Variants in PPFIBP2 observed in about 807,000 individuals in gnomAD.
PPFIBP2 encodes the protein PPFIB scaffold protein 2, also known as liprin-beta-2.
In PPFIBP2, 118 loss-of-function variants were observed where a neutral mutation model predicts 118.3. That is an observed-to-expected ratio of 1.00 (90% CI 0.86 to 1.16). PPFIBP2 has a LOEUF of 1.16. PPFIBP2 is among the 50% of genes most tolerant of loss of function. PPFIBP2 has a pLI of 0.00. For missense variants in PPFIBP2, 1,195 were observed against 1,073.1 expected (o/e 1.11, Z -1.59); for synonymous variants, 414 against 397.4 (o/e 1.04, Z -0.50).
chr11:7,544,802 A>G (rs1402342269), intron 1 of PPFIBP2, among the ~76,000 whole-genome samples: 2 of 143,202 alleles, frequency 1.4e-5, no homozygotes, highest in Non-Finnish European at 3.0e-5. Flanking sequence ...AAAAAAATCT[A>G]CTTCCCACCA....
chr11:7,519,341 G>A (rs151262394), intron 1 of PPFIBP2, among the ~76,000 whole-genome samples: 6,548 of 152,228 alleles, frequency 0.043, 281 homozygotes, highest in Admixed American at 0.12. Context: ...ATTTGAACAG[G>A]TGAGCAAGAA....
intron 5 of PPFIBP2, among the ~76,000 whole-genome samples, chr11:7,609,269 C>A (rs560245363): frequency 6.6e-6 from 1 of 152,298 alleles, no homozygotes; most frequent in East Asian, 1.9e-4. Flanking sequence ...CAAGATGATA[C>A]AAAATGTTCA....
intron 5 of PPFIBP2, among the ~76,000 whole-genome samples, chr11:7,599,031 A>G (rs964655986): frequency 6.6e-6 from 1 of 151,488 alleles, no homozygotes; most frequent in Non-Finnish European, 1.5e-5. Flanking sequence ...TTGATTTTCT[A>G]CTTAGGTTGT....
chr11:7,664,330 C>T, the PPFIBP2 span, among the ~76,000 whole-genome samples: 2 of 152,148 alleles, frequency 1.3e-5, no homozygotes, highest in Non-Finnish European at 2.9e-5. Context: ...CCCAGTACAA[C>T]CTAGGGATTG....
At chr11:7,597,732 C>G in intron 5 of PPFIBP2, 59 bp downstream of exon 5, 2 of 1,340,724 alleles carry the variant, frequency 1.5e-6, no homozygotes, top group Non-Finnish European at 2.1e-6. Context: ...GCTGAAGCCC[C>G]TTTGTGTGCC....
At position 7,651,752 on chromosome 11, in the gene PPFIBP2, A is replaced by G; in HGVS notation, c.2344A>G (p.Asn782Asp). 1 of 1,614,156 alleles carries G rather than the reference A, an allele frequency of 6.2e-7. No homozygotes were observed. Among genetic ancestry groups the G allele is most frequent in the Non-Finnish European group, 8.5e-7 (1 of 1,179,980 alleles). The stretch of plus-strand genomic sequence containing the variant: ...CAGGCGCCACCTGACCACCAAGTTC[A>G]ATGCCTTGATTGGTCCGGAGGCTGA... ...LLRRHLTTKF[N>D]ALIGPEAEQE... The change falls in exon 23 of 24, where the codon AAT becomes GAT. Residue 782 changes from asparagine to aspartate, a missense_variant. By Grantham distance (23) the Asn-to-Asp change is conservative (BLOSUM62 1). Transcript: ENST00000299492.
At chr11:7,632,619 C>T (rs1850912948) in intron 11 of PPFIBP2, 2 of 417,730 alleles carry the variant, frequency 4.8e-6, no homozygotes, top group Admixed American at 3.5e-5. Context: ...GACTGTACTA[C>T]TGGGATATGA....
intron 3 of PPFIBP2, among the ~76,000 whole-genome samples, chr11:7,572,326 G>GCCTTC (rs1312445373): frequency 6.6e-6 from 1 of 152,142 alleles, no homozygotes; most frequent in Non-Finnish European, 1.5e-5. Context: ...CCAAGACTGG[G>GCCTTC]GGCCTTCAGC....
At chr11:7,547,803 G>A (rs1352939798) in intron 1 of PPFIBP2, among the ~76,000 whole-genome samples, 3 of 152,136 alleles carry the variant, frequency 2.0e-5, no homozygotes, top group African/African-American at 4.8e-5. Context: ...GAGGCTGAAT[G>A]CCTGCTTCTG....
At chr11:7,564,868 A>G (rs1191768005) in intron 2 of PPFIBP2, among the ~76,000 whole-genome samples, 3 of 152,228 alleles carry the variant, frequency 2.0e-5, no homozygotes, top group Non-Finnish European at 2.9e-5. Context: ...CAGAGCTGGT[A>G]CAGAGTCACT....
At position 7,554,367 on chromosome 11, in the gene PPFIBP2, G is replaced by A. The variant is rs557477173; in HGVS notation, c.64+4828G>A. Among the ~76,000 whole-genome samples the A allele has an allele frequency of 2.0e-5, 3 of 152,196 alleles. No individual in the cohort carries two copies. In the East Asian group the frequency reaches 5.8e-4, roughly 29 times the overall value. ...TAGTAATCATATACTATGTAACAAG[G>A]AATTGCCTCTTACTAATTACAGTAG... On this transcript the variant is annotated intron_variant, in intron 2 of 23. Coordinates refer to ENST00000299492, the MANE Select transcript of PPFIBP2 (RefSeq NM_003621.5).
rs2136047448 is a variant in PPFIBP2, at chr11:7,653,161, C to T, written c.2574C>T (p.Leu858=). 1 of 1,614,216 alleles carries T rather than the reference C, an allele frequency of 6.2e-7. No individual in the cohort carries two copies. Among genetic ancestry groups the T allele is most frequent in the South Asian group, 1.1e-5 (1 of 91,090 alleles). Residue 858 remains leucine, a synonymous_variant, in exon 24 of 24, where the codon CTC becomes CTT. Coordinates refer to ENST00000299492, the MANE Select transcript of PPFIBP2 (RefSeq NM_003621.5). ...GGGTCTACAGTGGCTACCGGGGCCT[C>T]AGCCCCCTTGATGCCCCTGAACTGG... ...SHRVYSGYRG[L]SPLDAPELDG...
chr11:7,661,979 T>A (rs1011934471), downstream of PPFIBP2, among the ~76,000 whole-genome samples: 4 of 135,876 alleles, frequency 2.9e-5, no homozygotes, highest in Non-Finnish European at 4.8e-5. Flanking sequence ...CCCCTGCCTT[T>A]TTTTGTTTTC....
intron 3 of PPFIBP2, among the ~76,000 whole-genome samples, chr11:7,582,536 G>T (rs1809730751): frequency 6.6e-6 from 1 of 152,140 alleles, no homozygotes; most frequent in African/African-American, 2.4e-5. Flanking sequence ...TGAACAACTT[G>T]TGGGCACTAC....
chr11:7,643,392 G>A (rs1157374854), intron 17 of PPFIBP2, among the ~76,000 whole-genome samples: 1 of 152,208 alleles, frequency 6.6e-6, no homozygotes, highest in Non-Finnish European at 1.5e-5. Context: ...CCCTAGAGTA[G>A]GAGAGCATGG....
intron 5 of PPFIBP2, among the ~76,000 whole-genome samples, chr11:7,600,322 G>A (rs773235298): frequency 9.2e-5 from 14 of 152,182 alleles, no homozygotes; most frequent in Non-Finnish European, 2.1e-4. Flanking sequence ...TTGAATGTTC[G>A]GCCGCACATG....
chr11:7,655,578 C>A, downstream of PPFIBP2: 1 of 1,129,844 alleles, frequency 8.9e-7, no homozygotes, highest in Non-Finnish European at 1.2e-6. Flanking sequence ...GTGTGGTATG[C>A]ACAAGGCCTG....
At chr11:7,593,418 AG>A (rs368516125) in intron 4 of PPFIBP2, among the ~76,000 whole-genome samples, 194 bp downstream of exon 4, 3 of 152,162 alleles carry the variant, frequency 2.0e-5, no homozygotes. Context: ...GACTTGGCTT[AG>A]GGGGGCTGTG....
At position 7,573,611 on chromosome 11, in the gene PPFIBP2, A is replaced by G. The variant is rs190743962; in HGVS notation, c.279+7844A>G. ...AGTCTGCCGACCTTTGTACTGATCT[A>G]TTTTGGAGGTGCATTCTCCATGCAT... On this transcript the variant is annotated intron_variant, in intron 3 of 23. Transcript: ENST00000299492. 1.1e-4 allele frequency among the ~76,000 whole-genome samples: 17 copies of G among 152,224 alleles called. No homozygotes were observed. In the East Asian group the frequency reaches 1.7e-3, roughly 16 times the overall value.
Sources: gnomAD v4.1 joint callset for allele counts (sites outside exome capture counted in the v4.1 genomes callset) on GRCh38, gnomAD v4.1.1 for gene constraint, MANE v1.5 for transcripts, NCBI Gene and HGNC (gene_info 2026-07-23, HGNC 2026-07-21) for gene names.